Variants in TRPC4AP observed in about 807,000 individuals in gnomAD.
The protein encoded by TRPC4AP is short transient receptor potential channel 4-associated protein.
A neutral mutation model predicts 99.0 loss-of-function variants in TRPC4AP; 45 were observed. The observed-to-expected ratio is 0.45, with a 90% confidence interval of 0.36 to 0.58. The LOEUF (loss-of-function observed/expected upper bound fraction) is 0.58, where lower values mean the gene tolerates loss of function less well. Ranked by LOEUF, TRPC4AP falls within the 20% of genes least tolerant of loss-of-function variation. The pLI, the probability that TRPC4AP is intolerant of heterozygous loss-of-function variation, is 0.00. For synonymous variants in TRPC4AP, 408 were observed against 385.8 expected (o/e 1.06, Z -0.67); for missense variants, 879 against 985.3 (o/e 0.89, Z 1.44).
chr20:35,004,963 A>T (rs1440736818), intron 16 of TRPC4AP, among the ~76,000 whole-genome samples: 1 of 152,216 alleles, frequency 6.6e-6, no homozygotes, highest in East Asian at 1.9e-4. Context: ...GTCCTAGCGC[A>T]ACTGGTTTTC....
intron 8 of TRPC4AP, among the ~76,000 whole-genome samples, chr20:35,025,504 G>A (rs963515806): frequency 6.6e-6 from 1 of 152,020 alleles, no homozygotes; most frequent in Admixed American, 6.6e-5. Context: ...TTTCCCTGAC[G>A]GCTAATGATG....
At chr20:35,050,196 C>T (rs2083661350) in intron 5 of TRPC4AP, among the ~76,000 whole-genome samples, 1 of 152,172 alleles carries the variant, frequency 6.6e-6, no homozygotes, top group Admixed American at 6.6e-5. Flanking sequence ...GACGTGCAGG[C>T]TACACAAGTG....
chr20:35,024,167 C>T (rs2082961122), intron 8 of TRPC4AP, among the ~76,000 whole-genome samples: 1 of 151,142 alleles, frequency 6.6e-6, no homozygotes. Context: ...GTACAATTCA[C>T]ATACCATGCA....
intron 15 of TRPC4AP, 49 bp downstream of exon 15, chr20:35,006,386 A>T: frequency 6.3e-7 from 1 of 1,594,804 alleles, no homozygotes; most frequent in Non-Finnish European, 8.6e-7. Flanking sequence ...ACTCCAGGTG[A>T]ACTTCTGGAC....
chr20:35,057,685 T>C (rs1406342372), intron 3 of TRPC4AP, 114 bp from the exon 4 acceptor site: 2 of 815,320 alleles, frequency 2.5e-6, no homozygotes, highest in Non-Finnish European at 3.8e-6. Flanking sequence ...CAAGACCCTT[T>C]TGTTCCAGGA....
At chr20:35,021,711 G>A (rs1380196613) in intron 8 of TRPC4AP, among the ~76,000 whole-genome samples, 1 of 152,146 alleles carries the variant, frequency 6.6e-6, no homozygotes, top group African/African-American at 2.4e-5. Flanking sequence ...GCAAATTATG[G>A]GGACCGCTCT....
intron 1 of TRPC4AP, among the ~76,000 whole-genome samples, chr20:35,091,117 C>T (rs2085051693): frequency 6.6e-6 from 1 of 151,508 alleles, no homozygotes; most frequent in Non-Finnish European, 1.5e-5. Context: ...AGGTAATCCT[C>T]CCACCTCAGC....
chr20:35,059,757 CGAA>C (rs779312334), intron 3 of TRPC4AP, among the ~76,000 whole-genome samples: 102 of 145,706 alleles, frequency 7.0e-4, no homozygotes, highest in Middle Eastern at 7.3e-3. Flanking sequence ...AAGAAGAAGA[CGAA>C]GAAGACGACG....
intron 15 of TRPC4AP, 66 bp downstream of exon 15, chr20:35,006,369 G>A: frequency 6.3e-7 from 1 of 1,579,090 alleles, no homozygotes; most frequent in Non-Finnish European, 8.7e-7. Flanking sequence ...AAGCCTGGCA[G>A]ACCAGGACTC....
chr20:35,023,481 G>T (rs1163451978), intron 8 of TRPC4AP, among the ~76,000 whole-genome samples: 3 of 152,106 alleles, frequency 2.0e-5, no homozygotes, highest in African/African-American at 7.2e-5. Context: ...CTTTTAATGG[G>T]AACTAAACAG....
intron 8 of TRPC4AP, among the ~76,000 whole-genome samples, chr20:35,030,951 G>A (rs776717780): frequency 1.3e-5 from 2 of 152,054 alleles, no homozygotes; most frequent in African/African-American, 2.4e-5. Context: ...CTCATAAGTC[G>A]GTATGCTGCT....
chr20:35,011,405 A>G (rs1191194551), intron 11 of TRPC4AP, among the ~76,000 whole-genome samples: 1 of 152,192 alleles, frequency 6.6e-6, no homozygotes, highest in Non-Finnish European at 1.5e-5. Context: ...CACAGCACAG[A>G]GTACTGGTTG....
intron 8 of TRPC4AP, chr20:35,030,397 AAT>A (rs902178037): frequency 3.3e-5 from 5 of 152,100 alleles, no homozygotes; most frequent in African/African-American, 7.2e-5. Context: ...CCAATTTTGG[AAT>A]ATGTGTTGCT....
At chr20:35,030,500 T>C (rs2083163401) in intron 8 of TRPC4AP, 1 of 152,224 alleles carries the variant, frequency 6.6e-6, no homozygotes, top group Non-Finnish European at 1.5e-5. Flanking sequence ...TATCTATGTA[T>C]GTTAAAAGCC....
intron 8 of TRPC4AP, among the ~76,000 whole-genome samples, chr20:35,034,510 C>G (rs1254191709): frequency 6.6e-6 from 1 of 152,106 alleles, no homozygotes; most frequent in Non-Finnish European, 1.5e-5. Context: ...TTAGTCTCTT[C>G]AATTTGGAGC....
intron 9 of TRPC4AP, among the ~76,000 whole-genome samples, chr20:35,020,693 C>G (rs1025507132): frequency 2.0e-5 from 3 of 152,142 alleles, no homozygotes; most frequent in African/African-American, 7.2e-5. Context: ...CCGCACTGTT[C>G]CAAGCCCTTT....
chr20:35,004,245 G>A (rs1192517655), intron 17 of TRPC4AP, among the ~76,000 whole-genome samples: 1 of 152,228 alleles, frequency 6.6e-6, no homozygotes, highest in African/African-American at 2.4e-5. Flanking sequence ...TGGCCTGCAA[G>A]TCAGCCTGTG....
intron 7 of TRPC4AP, among the ~76,000 whole-genome samples, chr20:35,037,326 G>T (rs1299248686): frequency 8.1e-6 from 1 of 123,442 alleles, no homozygotes; most frequent in African/African-American, 3.2e-5. Context: ...CGGCCTGGGC[G>T]AAAGAGCGAG....
chr20:35,061,830 G>C (rs2084016739), intron 3 of TRPC4AP, among the ~76,000 whole-genome samples: 1 of 152,148 alleles, frequency 6.6e-6, no homozygotes, highest in Non-Finnish European at 1.5e-5. Flanking sequence ...CAATACCCAA[G>C]TAACAAAAGA....
Sources: allele counts gnomAD v4.1 joint callset (sites outside exome capture counted in the v4.1 genomes callset), GRCh38; gene constraint gnomAD v4.1.1; transcripts MANE v1.5; gene names NCBI Gene and HGNC (gene_info 2026-07-23, HGNC 2026-07-21).